The following DMD variants were observed in gnomAD, a reference collection of about 807,000 sequenced individuals.
DMD encodes mutant dystrophin.
DMD carries 63 observed loss-of-function variants against 330.1 expected under a neutral mutation model. That is an observed-to-expected ratio of 0.19 (90% CI 0.16 to 0.24). The LOEUF is 0.24. Ranked by LOEUF, DMD falls within the 10% of genes least tolerant of loss-of-function variation. The probability of loss-of-function intolerance (pLI) is 1.00; values close to 1 mark genes in which losing one functional copy is unlikely to be tolerated. For synonymous variants in DMD, 1,223 were observed against 959.8 expected (o/e 1.27, Z -5.07); for missense variants, 3,344 against 2,684.1 (o/e 1.25, Z -5.43).
intron 47 of DMD, among the ~76,000 whole-genome samples, chrX:31,905,802 TTGA>T (rs1003416828): frequency 8.9e-6 from 1 of 112,131 alleles, no homozygotes; most frequent in African/African-American, 3.2e-5. Flanking sequence ...CTGAAAATTG[TTGA>T]TGAATGCACA....
At chrX:33,333,532 C>T (rs1569137425) in intron 1 of DMD, among the ~76,000 whole-genome samples, 2 of 110,530 alleles carry the variant, frequency 1.8e-5, no homozygotes, top group African/African-American at 6.6e-5. Context: ...AATAAGAATC[C>T]TATGGGTTTT....
At chrX:32,219,507 AAAATG>A (rs1200323945) in intron 43 of DMD, among the ~76,000 whole-genome samples, 1 of 111,819 alleles carries the variant, frequency 8.9e-6, no homozygotes, top group African/African-American at 3.3e-5. Flanking sequence ...GAGAGTCAGA[AAAATG>A]AAATAATTTA....
At chrX:32,868,279 C>T (rs905459142) in intron 2 of DMD, among the ~76,000 whole-genome samples, 1 of 111,791 alleles carries the variant, frequency 8.9e-6, no homozygotes, top group Admixed American at 9.4e-5. Context: ...CAAAACACAG[C>T]TGTGCAGATT....
At chrX:31,284,605 CTTTTTT>C (rs1556432295) in intron 62 of DMD, among the ~76,000 whole-genome samples, 1 of 91,093 alleles carries the variant, frequency 1.1e-5, no homozygotes, top group African/African-American at 4.3e-5. Context: ...TCTTCTTCTT[CTTTTTT>C]TTGGCAGAGG....
At chrX:31,543,233 T>A (rs1349214404) in intron 55 of DMD, among the ~76,000 whole-genome samples, 1 of 111,435 alleles carries the variant, frequency 9.0e-6, no homozygotes, top group African/African-American at 3.3e-5. Context: ...TGCAGTGGCA[T>A]GATCTTGTCT....
intron 76 of DMD, among the ~76,000 whole-genome samples, chrX:31,143,425 C>T (rs2036320977): frequency 9.0e-6 from 1 of 111,713 alleles, no homozygotes; most frequent in Non-Finnish European, 1.9e-5. Context: ...GCCTCCCCAG[C>T]CTTGTGGAAC....
At chrX:32,665,882 T>C (rs145991814) in intron 9 of DMD, among the ~76,000 whole-genome samples, 1,152 of 111,577 alleles carry the variant, frequency 0.01, 15 homozygotes, top group African/African-American at 0.036. Context: ...TGGTACTACA[T>C]TTATATTTAT....
intron 52 of DMD, among the ~76,000 whole-genome samples, chrX:31,700,676 TAATTA>T (rs1378315363): frequency 8.9e-6 from 1 of 112,062 alleles, no homozygotes; most frequent in Non-Finnish European, 1.9e-5. Context: ...GTTGTTTTAT[TAATTA>T]AATAGGTGAA....
intron 76 of DMD, among the ~76,000 whole-genome samples, chrX:31,142,289 G>A (rs971092820): frequency 9.0e-6 from 1 of 111,276 alleles, no homozygotes; most frequent in Non-Finnish European, 1.9e-5. Flanking sequence ...GAAGTGTTAT[G>A]TATGAAACCT....
intron 7 of DMD, among the ~76,000 whole-genome samples, chrX:32,784,138 C>T (rs1458395821): frequency 9.0e-6 from 1 of 111,011 alleles, no homozygotes; most frequent in Non-Finnish European, 1.9e-5. Flanking sequence ...CCTATTAAAT[C>T]GTTTTCTGAG....
At chrX:32,414,335 T>C (rs193117246) in intron 29 of DMD, among the ~76,000 whole-genome samples, 19 of 112,093 alleles carry the variant, frequency 1.7e-4, no homozygotes, top group Non-Finnish European at 3.0e-4. Flanking sequence ...TTTTTTTGAT[T>C]TGACAAGTAA....
intron 1 of DMD, among the ~76,000 whole-genome samples, chrX:33,071,545 T>C (rs766921020): frequency 3.1e-4 from 35 of 111,403 alleles, no homozygotes; most frequent in African/African-American, 1.1e-3. Context: ...AGTAGTATAA[T>C]TGTCATCCAC....
intron 29 of DMD, among the ~76,000 whole-genome samples, chrX:32,424,234 G>A (rs1394801164): frequency 9.1e-6 from 1 of 109,960 alleles, no homozygotes; most frequent in Non-Finnish European, 1.9e-5. Flanking sequence ...GTTTTTTGCA[G>A]AGCATTCAAC....
At chrX:31,514,013 G>T (rs190735484) in intron 55 of DMD, among the ~76,000 whole-genome samples, 1 of 111,926 alleles carries the variant, frequency 8.9e-6, no homozygotes, top group Admixed American at 9.5e-5. Flanking sequence ...TTAGTTGTTG[G>T]TGGTAGTTTT....
intron 1 of DMD, among the ~76,000 whole-genome samples, chrX:33,311,061 C>A (rs910265180): frequency 2.7e-5 from 3 of 110,017 alleles, no homozygotes; most frequent in South Asian, 3.7e-4. Flanking sequence ...TATAAATATA[C>A]ATATATACAT....
intron 13 of DMD, among the ~76,000 whole-genome samples, chrX:32,578,597 G>A (rs2053317043): frequency 8.9e-6 from 1 of 111,817 alleles, no homozygotes; most frequent in African/African-American, 3.3e-5. Context: ...ATTCAAAAGT[G>A]AAAAATGGCT....
At chrX:32,668,958 ATT>A (rs1175724418) in intron 9 of DMD, among the ~76,000 whole-genome samples, 1 of 111,388 alleles carries the variant, frequency 9.0e-6, no homozygotes, top group African/African-American at 3.3e-5. Context: ...AAAAATCAAC[ATT>A]TATAGGTTGA....
chrX:32,299,371 A>C (rs6628699), intron 42 of DMD, among the ~76,000 whole-genome samples: 29,333 of 109,935 alleles, frequency 0.27, 3,121 homozygotes, highest in East Asian at 0.59. Flanking sequence ...CCAGGAAAAA[A>C]AAGAAAAAAC....
At position 31,559,704 on chromosome X, in the gene DMD, G is replaced by C. The variant is rs189851173; in HGVS notation, c.8218-52251C>G. Among the ~76,000 whole-genome samples, 22 of 103,469 alleles carry C rather than the reference G, an allele frequency of 2.1e-4. 2 individuals carry two copies. The East Asian group carries it at 6.7e-3, about 31-fold the overall frequency. 89.9% of individuals were successfully genotyped at this position (103,469 alleles called of 115,157 possible). On this transcript the variant is annotated intron_variant, in intron 55 of 78. Coordinates refer to ENST00000357033, the MANE Select transcript of DMD (RefSeq NM_004006.3). Reference sequence around the variant, plus strand: ...TGGTTCCAGTGTAAATTCTTTGATTGCATCATCATGAACCTCTTACTTGAG... The same window carrying C: ...TGGTTCCAGTGTAAATTCTTTGATTCCATCATCATGAACCTCTTACTTGAG...
Sources: gnomAD v4.1 joint callset for allele counts (sites outside exome capture counted in the v4.1 genomes callset) on GRCh38, gnomAD v4.1.1 for gene constraint, MANE v1.5 for transcripts, NCBI Gene and HGNC (gene_info 2026-07-23, HGNC 2026-07-21) for gene names.